The following TAF6 variants were observed in gnomAD, a reference collection of about 807,000 sequenced individuals.
TAF6 encodes the protein transcription initiation factor TFIID subunit 6.
TAF6 carries 50 observed loss-of-function variants against 73.5 expected under a neutral mutation model. That is an observed-to-expected ratio of 0.68 (90% confidence interval 0.54 to 0.86). The LOEUF (loss-of-function observed/expected upper bound fraction) is 0.86, where lower values mean the gene tolerates loss of function less well. Among genes scored for constraint, TAF6 ranks in the 40% least tolerant of loss-of-function variants. TAF6 has a pLI of 0.00. For synonymous variants in TAF6, 424 were observed against 376.7 expected, an observed-to-expected ratio of 1.13 and a Z score of -1.45; for missense variants, 768 against 899.5, an observed-to-expected ratio of 0.85 and a Z score of 1.87.
chr7:100,107,070 T>A lies in TAF6; in HGVS notation c.*176A>T. On this transcript the variant is annotated 3_prime_UTR_variant, in exon 15 of 15. Transcript: ENST00000453269. ...CTGATGCAGGAAGGACTGCAGTGGA[T>A]CAGAACTTACAAACCAAACTTTTAT... 8.1e-7 allele frequency: 1 copy of A among 1,237,426 alleles called. No individual in the cohort carries two copies. Among genetic ancestry groups the A allele is most frequent in the Non-Finnish European group, 1.1e-6 (1 of 891,400 alleles). The allele number at this position is 1,237,426 out of a possible 1,614,324, so 76.7% of individuals were successfully genotyped here. A position where few individuals can be genotyped will look rare whatever the true frequency, so the allele number is the denominator to read the frequency against.
upstream of TAF6, among the ~76,000 whole-genome samples, chr7:100,123,448 TGTTTGAGACCAGA>T (rs1798125231): frequency 6.6e-6 from 1 of 152,026 alleles, no homozygotes; most frequent in Admixed American, 6.6e-5. Flanking sequence ...GGAGAAGGAC[TGTTTGAGACCAGA>T]GTTAGAGACC....
chr7:100,119,818 A>G (rs757891301), upstream of TAF6: 1 of 1,614,104 alleles, frequency 6.2e-7, no homozygotes, highest in South Asian at 1.1e-5. Flanking sequence ...GGGATGTTGA[A>G]GGAGGAGGAC....
rs752254236 is a variant in TAF6, at chr7:100,110,286, A to G, written c.1084-12T>C. Reference sequence around the variant, plus strand: ...TCGTCCACCCAGCTCTGTAAGGGGAAGGAAATAAACTAAGATGAAGGGGTC... The same window carrying G: ...TCGTCCACCCAGCTCTGTAAGGGGAGGGAAATAAACTAAGATGAAGGGGTC... On this transcript the variant is annotated splice_polypyrimidine_tract_variant and intron_variant, in intron 10 of 14. Transcript: ENST00000453269. 39 of 1,613,832 alleles carry G rather than the reference A, an allele frequency of 2.4e-5. No individual in the cohort carries two copies. The Admixed American group carries it at 4.3e-4, about 18-fold the overall frequency.
At position 100,110,051 on chromosome 7, in the gene TAF6, G is replaced by C; in HGVS notation, c.1181C>G (p.Pro394Arg). The C allele has an allele frequency of 3.1e-6, 5 of 1,614,040 alleles. No individual in the cohort carries two copies. The Middle Eastern group carries it at 8.2e-4, about 266-fold the overall frequency. The change falls in exon 12 of 15, where the codon CCC (proline) becomes CGC (arginine). Residue 394 changes from proline (P) to arginine (R), a missense_variant. Physicochemically the swap from Pro to Arg is moderately radical, Grantham distance 103. Transcript: ENST00000453269. Reference sequence around the variant, plus strand: ...CCGCTCCCCTTCCTGCTGCAGCCGGGGCAGAATCAGAGTCTTGATAACCTG... The same window carrying C: ...CCGCTCCCCTTCCTGCTGCAGCCGGCGCAGAATCAGAGTCTTGATAACCTG... ...GHDVIKTLILPRLQQEGERIR... is the reference protein window; with the variant it reads ...GHDVIKTLILRRLQQEGERIR...
chr7:100,112,371 C>T (rs2116790414), intron 6 of TAF6, 118 bp from the exon 7 acceptor site: 1 of 1,394,828 alleles, frequency 7.2e-7, no homozygotes, highest in South Asian at 1.5e-5. Flanking sequence ...TTCTTAGGCT[C>T]CCCCATCCTT....
upstream of TAF6, among the ~76,000 whole-genome samples, chr7:100,120,881 A>G (rs958770150): frequency 6.6e-6 from 1 of 151,874 alleles, no homozygotes; most frequent in African/African-American, 2.4e-5. Flanking sequence ...TCCCAACTAC[A>G]CTGACAGAGA....
At chr7:100,119,484 A>G, upstream of TAF6, 1 of 1,352,072 alleles carries the variant, frequency 7.4e-7, no homozygotes, top group African/African-American at 1.5e-5. Flanking sequence ...ATCTATATAT[A>G]AGGAGCACTC....
intron 12 of TAF6, 69 bp from the exon 13 acceptor site, chr7:100,108,609 T>C: frequency 1.3e-6 from 2 of 1,512,292 alleles, no homozygotes; most frequent in African/African-American, 2.8e-5. Context: ...GGAGGGCTGG[T>C]GACACTCTTG....
rs753153546 is a variant in TAF6 at position 100,112,138 on chromosome 7, G to C, written c.690C>G (p.Ala230=). Residue 230 remains alanine (A), a synonymous_variant, in exon 7 of 15, where the codon GCC becomes GCG. Coordinates refer to ENST00000453269, the MANE Select transcript of TAF6 (RefSeq NM_139315.3). ...TCTTGGCCTCGCAGGAGCCCACGCA[G>C]GCCTCGGTGATCTCCTTGTAGTAGA... is the stretch of plus-strand genomic sequence containing the variant. The part of the protein sequence containing the change: ...QQLYYKEITE[A]CVGSCEAKRA... 16 of 1,613,966 alleles carry C rather than the reference G, an allele frequency of 9.9e-6. No individual in the cohort carries two copies. The highest frequency in any genetic ancestry group is 1.4e-5 in the Non-Finnish European group (16 of 1,179,944).
intron 14 of TAF6, 87 bp from the exon 15 acceptor site, chr7:100,107,710 C>G: frequency 6.5e-7 from 1 of 1,536,984 alleles, no homozygotes; most frequent in East Asian, 2.3e-5. Flanking sequence ...CGCTCCCTGC[C>G]TGAACAAGTT....
chr7:100,112,813 T>C lies in TAF6; in HGVS notation c.559A>G (p.Thr187Ala), dbSNP rs1278800619. The change falls in exon 6 of 15, where the codon ACA becomes GCA. Residue 187 changes from threonine to alanine, a missense_variant. Physicochemically the swap from Thr to Ala is moderately conservative, Grantham distance 58. Around this residue, in one of 5 missense-constraint regions of TAF6, gnomAD observed 269 missense variants for 268.0 expected, o/e 1.00. Transcript: ENST00000453269. ...PLKGKGQGAT[T>A]ADGKGKEKKA... Reference sequence around the variant, plus strand: ...GAGGACTGACCTTTGCCGTCGGCTGTGGTGGCCCCTTGACCTTTGCCCTTC... The same window carrying C: ...GAGGACTGACCTTTGCCGTCGGCTGCGGTGGCCCCTTGACCTTTGCCCTTC... 9 of 1,613,186 alleles carry C rather than the reference T, an allele frequency of 5.6e-6. No homozygotes were observed. Among genetic ancestry groups the C allele is most frequent in the African/African-American group, 1.3e-5 (1 of 74,912 alleles).
rs753708007 is a variant in TAF6, at chr7:100,112,927, A to G, written c.455-10T>C. ...TGTTGCTCTTTGGGAGCTGGTGGGA[A>G]AGCAGGCACAGCGGGAGGGGTGATG... is the stretch of plus-strand genomic sequence containing the variant. On this transcript the variant is annotated splice_polypyrimidine_tract_variant and intron_variant, in intron 5 of 14. Transcript: ENST00000453269. 5 of 1,609,926 alleles carry G rather than the reference A, an allele frequency of 3.1e-6. No homozygotes were observed. The highest frequency in any genetic ancestry group is 3.4e-6 in the Non-Finnish European group (4 of 1,178,082).
upstream of TAF6, chr7:100,119,890 C>T (rs766831275): frequency 2.0e-5 from 32 of 1,565,650 alleles, no homozygotes; most frequent in African/African-American, 2.7e-5. Flanking sequence ...CCCCTATAGG[C>T]ATCGCCCGGC....
upstream of TAF6, chr7:100,124,810 G>A (rs368820199): frequency 5.6e-6 from 9 of 1,611,742 alleles, no homozygotes; most frequent in African/African-American, 8.0e-5. Context: ...AGGAGGAGGA[G>A]GAAGAGGAGG....
chr7:100,124,536 T>C (rs766607442), upstream of TAF6: 15 of 1,612,760 alleles, frequency 9.3e-6, no homozygotes, highest in Admixed American at 3.4e-5. Context: ...TTGGAGGAGT[T>C]TGAAGACATT....
At position 100,113,911 on chromosome 7, in the gene TAF6, G is replaced by A. The variant is rs1178214303; in HGVS notation, c.200C>T (p.Thr67Ile). Residue 67 changes from threonine to isoleucine, a missense_variant, in exon 3 of 15, where the codon ACC (threonine) becomes ATC (isoleucine). Coordinates refer to ENST00000453269, the MANE Select transcript of TAF6 (RefSeq NM_139315.3). ...CAAGGCGTAGTCAATGTCACTGGTG[G>A]TGAGCTTCTGCCGCTTCCCCATGTG... ...FMHMGKRQKLTTSDIDYALKL... is the reference protein window; with the variant it reads ...FMHMGKRQKLITSDIDYALKL... 6.2e-7 allele frequency: 1 copy of A among 1,614,100 alleles called. No individual in the cohort carries two copies. The highest frequency in any genetic ancestry group is 8.5e-7 in the Non-Finnish European group (1 of 1,180,034).
intron 1 of TAF6, among the ~76,000 whole-genome samples, chr7:100,117,043 C>T (rs747281851): frequency 1.3e-5 from 2 of 151,968 alleles, no homozygotes; most frequent in Non-Finnish European, 2.9e-5. Flanking sequence ...GTCAAGAGAT[C>T]GAGACCATCC....
chr7:100,122,806 C>G (rs1798110792), upstream of TAF6: 1 of 1,613,724 alleles, frequency 6.2e-7, no homozygotes, highest in African/African-American at 1.3e-5. Flanking sequence ...ACCATGGCAA[C>G]ACTGAAAGGC....
At chr7:100,119,654 G>A (rs1381802811), upstream of TAF6, 7 of 1,610,568 alleles carry the variant, frequency 4.3e-6, no homozygotes, top group Middle Eastern at 1.7e-4. Context: ...TGGATTTAAG[G>A]TTGCCGCTAG....
Sources: gnomAD v4.1 joint callset for allele counts (sites outside exome capture counted in the v4.1 genomes callset) on GRCh38, gnomAD v4.1.1 for gene constraint, gnomAD v4.1.1 regional missense constraint, MANE v1.5 for transcripts, NCBI Gene and HGNC (gene_info 2026-07-23, HGNC 2026-07-21) for gene names.